The following SAFB variants were observed in gnomAD, a reference collection of about 807,000 sequenced individuals.
SAFB encodes the protein scaffold attachment factor B1.
SAFB carries 15 observed loss-of-function variants against 101.6 expected under a neutral mutation model. The ratio of observed to expected loss-of-function variants is 0.15; its 90% CI spans 0.10 to 0.23. SAFB has a LOEUF of 0.23. SAFB is among the 10% of genes least tolerant of loss of function. The probability of loss-of-function intolerance (pLI) is 1.00; values close to 1 mark genes in which losing one functional copy is unlikely to be tolerated. For missense variants in SAFB, 930 were observed against 1,104.1 expected (o/e 0.84, Z 2.23); for synonymous variants, 449 against 407.5 (o/e 1.10, Z -1.23).
rs745644707 is a variant in SAFB, at chr19:5,645,291, G to A, written c.547-46G>A. On this transcript the variant is annotated intron_variant, in intron 4 of 20. Coordinates refer to ENST00000588852, the MANE Select transcript of SAFB (RefSeq NM_001201338.2). ...TTGTACAGATGTACCATTATGTTACGTTATTGTTGGTGTGATGAACTGTAT... is the reference window on the plus strand; with the variant it reads ...TTGTACAGATGTACCATTATGTTACATTATTGTTGGTGTGATGAACTGTAT... 1.4e-4 allele frequency: 110 copies of A among 806,676 alleles called. 1 individual carries two copies. The highest frequency in any genetic ancestry group is 1.9e-4 in the Non-Finnish European group (85 of 453,108). 50.0% of individuals were successfully genotyped at this position (806,676 alleles called of 1,614,324 possible).
At chr19:5,632,698 C>T (rs926955506) in intron 2 of SAFB, among the ~76,000 whole-genome samples, 13 of 152,236 alleles carry the variant, frequency 8.5e-5, no homozygotes, top group African/African-American at 1.4e-4. Context: ...TCAAGTTATA[C>T]GCTTGTCAGA....
chr19:5,662,802 G>A (rs553736662), intron 15 of SAFB, among the ~76,000 whole-genome samples: 153 of 151,324 alleles, frequency 1.0e-3, no homozygotes, highest in Non-Finnish European at 1.8e-3. Context: ...CACCACACCC[G>A]GCTAATTTTT....
At chr19:5,647,214 C>A (rs1164886316) in intron 5 of SAFB, among the ~76,000 whole-genome samples, 1 of 152,132 alleles carries the variant, frequency 6.6e-6, no homozygotes, top group South Asian at 2.1e-4. Context: ...GGAAAGCCTT[C>A]CTGAAAGGAG....
chr19:5,653,062 G>GCC (rs1360650105), intron 9 of SAFB, 53 bp from the exon 10 acceptor site: 18 of 1,601,372 alleles, frequency 1.1e-5, no homozygotes, highest in Non-Finnish European at 1.5e-5. Context: ...ATATCCCCAT[G>GCC]CCCCGCTCAG....
intron 7 of SAFB, 165 bp from the exon 8 acceptor site, chr19:5,649,761 T>A: frequency 2.5e-6 from 2 of 800,042 alleles, no homozygotes; most frequent in Non-Finnish European, 2.0e-6. Context: ...CCTGTGGGTC[T>A]GAAATCTTAT....
chr19:5,627,179 TA>T (rs758427877), intron 2 of SAFB, among the ~76,000 whole-genome samples: 1 of 134,120 alleles, frequency 7.5e-6, no homozygotes, highest in Non-Finnish European at 1.6e-5. Context: ...CAGTCTCTCT[TA>T]AAAAAAAGGG....
intron 2 of SAFB, among the ~76,000 whole-genome samples, chr19:5,640,469 GA>G (rs1022963998): frequency 3.4e-5 from 5 of 147,994 alleles, no homozygotes; most frequent in African/African-American, 1.3e-4. Context: ...GGATTCAAGC[GA>G]TTCTCCTGCC....
At position 5,653,554 on chromosome 19, in the gene SAFB, C is replaced by G. The variant is rs940813557; in HGVS notation, c.1526+134C>G. 9 of 724,206 alleles carry G rather than the reference C, an allele frequency of 1.2e-5. No individual in the cohort carries two copies. In the South Asian group the frequency reaches 1.6e-4, roughly 13 times the overall value. The allele number at this position is 724,206 out of a possible 1,614,324, so 44.9% of individuals were successfully genotyped here. ...TGATCTCGGCTCACCTCAACTCCAC[C>G]TCCTGGGTTCAAGCAATTCTCCTGC... On this transcript the variant is annotated intron_variant, in intron 11 of 20. Transcript: ENST00000588852.
At chr19:5,629,729 G>C (rs1464050680) in intron 2 of SAFB, among the ~76,000 whole-genome samples, 1 of 152,170 alleles carries the variant, frequency 6.6e-6, no homozygotes, top group African/African-American at 2.4e-5. Flanking sequence ...AGACTCCAAG[G>C]ATATGGCCCT....
In SAFB at chr19:5,649,840, A is replaced by G. The variant is rs1270845698; in HGVS notation, c.1149-86A>G. On this transcript the variant is annotated intron_variant, in intron 7 of 20. Transcript: ENST00000588852. Reference sequence around the variant, plus strand: ...TTTCAGAACTAAATTTCGGGTAGGTATGCAACCTCAGCACGAATTTTATGG... The same window carrying G: ...TTTCAGAACTAAATTTCGGGTAGGTGTGCAACCTCAGCACGAATTTTATGG... 8 of 1,232,554 alleles carry G rather than the reference A, an allele frequency of 6.5e-6. No homozygotes were observed. In the East Asian group the frequency reaches 1.6e-4, roughly 25 times the overall value. The allele number at this position is 1,232,554 out of a possible 1,614,324, so 76.4% of individuals were successfully genotyped here.
At chr19:5,642,024 T>C (rs765629319) in intron 4 of SAFB, 78 bp downstream of exon 4, 1 of 1,191,962 alleles carries the variant, frequency 8.4e-7, no homozygotes, top group South Asian at 1.3e-5. Context: ...CAGTTTCATA[T>C]TGGGAAGTAA....
Position 5,654,137 on chromosome 19 carries a change from A to G in SAFB, c.1603A>G (p.Lys535Glu). 1.2e-6 allele frequency: 2 copies of G among 1,614,210 alleles called. No individual in the cohort carries two copies. Among genetic ancestry groups the G allele is most frequent in the Middle Eastern group, 1.6e-4 (1 of 6,062 alleles). Reference protein sequence around the residue: ...AKKGDDGSGEKSKDQDDQKPG... With the variant: ...AKKGDDGSGEESKDQDDQKPG... ...GAAGGGTGACGACGGAAGTGGAGAA[A>G]AGAGTAAGGACCAAGATGATCAGAA... The change falls in exon 12 of 21, where the codon AAG becomes GAG. Residue 535 changes from lysine to glutamate, a missense_variant. Lys to Glu is a moderately conservative substitution (Grantham distance 56). Transcript: ENST00000588852.
At chr19:5,624,719 C>T (rs1341917826) in intron 1 of SAFB, among the ~76,000 whole-genome samples, 2 of 144,070 alleles carry the variant, frequency 1.4e-5, no homozygotes, top group African/African-American at 2.6e-5. Flanking sequence ...TGATGAGAAA[C>T]CCTGGGCTCA....
At position 5,641,961 on chromosome 19, in the gene SAFB, A is replaced by G. The variant is rs377234567; in HGVS notation, c.546+15A>G. The G allele has an allele frequency of 3.7e-5, 59 of 1,602,608 alleles. No individual in the cohort carries two copies. The African/African-American group carries it at 5.3e-4, about 15-fold the overall frequency. On this transcript the variant is annotated intron_variant, in intron 4 of 20. Coordinates refer to ENST00000588852, the MANE Select transcript of SAFB (RefSeq NM_001201338.2). ...AGGAACATGCTGTAGGTAACCGGCA[A>G]TGTCTCTAGAATGTGCCCTGAATGT...
Position 5,664,096 on chromosome 19 carries a change from A to G in SAFB, c.2228A>G (p.Gln743Arg), listed in dbSNP as rs1415369282. 2 of 1,614,068 alleles carry G rather than the reference A, an allele frequency of 1.2e-6. No homozygotes were observed. The highest frequency in any genetic ancestry group is 1.7e-6 in the Non-Finnish European group (2 of 1,180,026). ...CGCTACCATTCTGACTTTAACCGCCAGGACCGCTTCCACGACTTTGACCAC... is the reference window on the plus strand; with the variant it reads ...CGCTACCATTCTGACTTTAACCGCCGGGACCGCTTCCACGACTTTGACCAC... ...DERYHSDFNR[Q>R]DRFHDFDHRD... Residue 743 changes from glutamine (Q) to arginine (R), a missense_variant, in exon 16 of 21, where the codon CAG becomes CGG. By Grantham distance (43) the Gln-to-Arg change is conservative (BLOSUM62 1). Transcript: ENST00000588852.
chr19:5,640,612 CAG>C (rs1227031141), intron 2 of SAFB, among the ~76,000 whole-genome samples: 2 of 152,010 alleles, frequency 1.3e-5, no homozygotes, highest in Admixed American at 1.3e-4. Context: ...GTTTTTGAGA[CAG>C]AGTCTTGCTC....
Position 5,668,474 on chromosome 19 carries a change from C to T in SAFB, c.*183C>T, listed in dbSNP as rs117239444. On this transcript the variant is annotated 3_prime_UTR_variant, in exon 21 of 21. Transcript: ENST00000588852. ...ATAAATGTGTTTCCGTTCACATACC[C>T]TTTATTTAAAGTGTCATTTCTTTAT... 4,243 of 584,510 alleles carry T rather than the reference C, an allele frequency of 7.3e-3. 27 individuals are homozygous for T. The highest frequency in any genetic ancestry group is 9.6e-3 in the Non-Finnish European group (3,406 of 355,488). 36.2% of individuals were successfully genotyped at this position (584,510 alleles called of 1,614,324 possible). A position where few individuals can be genotyped will look rare whatever the true frequency, so the allele number is the denominator to read the frequency against.
At chr19:5,642,651 C>CTTTCTTTT (rs1555696821) in intron 4 of SAFB, among the ~76,000 whole-genome samples, 2 of 70,842 alleles carry the variant, frequency 2.8e-5, no homozygotes, top group East Asian at 1.2e-3. Context: ...CCCTTCCTTT[C>CTTTCTTTT]TTTTTTTTTT....
At chr19:5,634,558 A>G (rs1173697068) in intron 2 of SAFB, among the ~76,000 whole-genome samples, 1 of 152,104 alleles carries the variant, frequency 6.6e-6, no homozygotes, top group African/African-American at 2.4e-5. Flanking sequence ...ATTTGGCTAC[A>G]TAAAAGTTTT....
Sources: allele counts gnomAD v4.1 joint callset (sites outside exome capture counted in the v4.1 genomes callset), GRCh38; gene constraint gnomAD v4.1.1; transcripts MANE v1.5; gene names NCBI Gene and HGNC (gene_info 2026-07-23, HGNC 2026-07-21).